ANO7: variants seen among roughly 807,000 people sequenced by gnomAD.
ANO7 encodes anoctamin 7.
Under a neutral mutation model 115.8 loss-of-function variants are expected in ANO7, and 114 were observed. The ratio of observed to expected loss-of-function variants is 0.98; its 90% CI spans 0.85 to 1.15. The LOEUF is 1.15. Ranked by LOEUF, ANO7 falls within the 50% of genes most tolerant of loss-of-function variation. The pLI, the probability that ANO7 is intolerant of heterozygous loss-of-function variation, is 0.00. For synonymous variants in ANO7, 550 were observed against 498.2 expected, an observed-to-expected ratio of 1.10 and a Z score of -1.38; for missense variants, 1,302 against 1,201.2, an observed-to-expected ratio of 1.08 and a Z score of -1.24.
At position 241,224,230 on chromosome 2, in the gene ANO7, C is replaced by T; in HGVS notation, c.*77C>T. ...TGCGAGCAGCGTCCTTTTCCTCTTC[C>T]CTCAGGCAGCGGCTGTGTGAACCGC... On this transcript the variant is annotated 3_prime_UTR_variant, in exon 25 of 25. Transcript: ENST00000674324. 5 of 1,519,020 alleles carry T rather than the reference C, an allele frequency of 3.3e-6. No homozygotes were observed. The South Asian group carries it at 5.8e-5, about 18-fold the overall frequency. 94.1% of individuals were successfully genotyped at this position (1,519,020 alleles called of 1,614,324 possible).
rs2068625065 is a variant in ANO7, at chr2:241,207,684, T to G, written c.1077+14T>G. On this transcript the variant is annotated intron_variant, in intron 11 of 24. Coordinates refer to ENST00000674324, the MANE Select transcript of ANO7 (RefSeq NM_001370694.2). ...GCCCTGGCCCAGGTACGAGAAGAGG[T>G]GGGTGGGGTAAGGGATTTGAGAGTC... 3 of 1,612,236 alleles carry G rather than the reference T, an allele frequency of 1.9e-6. No individual in the cohort carries two copies. In the South Asian group the frequency reaches 3.3e-5, roughly 18 times the overall value.
At chr2:241,216,318 GC>G in intron 19 of ANO7, 80 bp downstream of exon 19, 2 of 1,450,468 alleles carry the variant, frequency 1.4e-6, no homozygotes, top group Non-Finnish European at 1.8e-6. Context: ...GGGCCTCCCA[GC>G]CTGACATTCC....
chr2:241,240,053 C>A, the ANO7 span: 4 of 1,614,184 alleles, frequency 2.5e-6, no homozygotes, highest in Non-Finnish European at 3.4e-6. This position sits in a 1 kb window ranked among gnomAD's most constrained non-coding sequence, Gnocchi z 5.5. Context: ...ATTTTGCCGC[C>A]CCCCTTGCCG....
chr2:241,202,652 G>A (rs1377944027), intron 8 of ANO7, among the ~76,000 whole-genome samples: 2 of 152,226 alleles, frequency 1.3e-5, no homozygotes, highest in Non-Finnish European at 2.9e-5. Context: ...TGGGTAAACT[G>A]AGGCAATGCC....
chr2:241,218,361 C>G lies in ANO7; in HGVS notation c.2301C>G (p.Ala767=), dbSNP rs201381970. 19,500 of 1,462,732 alleles carry G rather than the reference C, an allele frequency of 0.013. 414 individuals are homozygous for G. The highest frequency in any genetic ancestry group is 0.098 in the African/African-American group (6,670 of 68,088). The allele number at this position is 1,462,732 out of a possible 1,614,324, so 90.6% of individuals were successfully genotyped here. A position where few individuals can be genotyped will look rare whatever the true frequency, so the allele number is the denominator to read the frequency against. ...CGCGAGCCCCGTCCTCCTTCGCCGC[C>G]GCGCACAACCGCACGTGCAGGTGAG... ...TLARAPSSFA[A]AHNRTCRYRA... is the part of the protein sequence containing the mutation. Residue 767 remains alanine (A), a synonymous_variant, in exon 21 of 25, where the codon GCC becomes GCG. Transcript: ENST00000674324.
At chr2:241,229,791 C>T, downstream of ANO7, 2 of 1,553,440 alleles carry the variant, frequency 1.3e-6, no homozygotes, top group Non-Finnish European at 8.7e-7. Context: ...CCTGCCCGCC[C>T]ACCCTCCCTG....
At chr2:241,234,862 T>G in the ANO7 span, among the ~76,000 whole-genome samples, 2 of 152,176 alleles carry the variant, frequency 1.3e-5, no homozygotes, top group African/African-American at 4.8e-5. Flanking sequence ...CCACTCTGAT[T>G]TGGTTTTGAG....
Position 241,223,228 on chromosome 2 carries a change from C to G in ANO7, c.2364C>G (p.Thr788=), listed in dbSNP as rs1428746537. 6.2e-7 allele frequency: 1 copy of G among 1,614,250 alleles called. No homozygotes were observed. Among genetic ancestry groups the G allele is most frequent in the Admixed American group, 1.7e-5 (1 of 60,026 alleles). ...ATGACGATGGACATTATTCCCAGACCTACTGGAATCTTCTTGCCATCCGCC... is the reference window on the plus strand; with the variant it reads ...ATGACGATGGACATTATTCCCAGACGTACTGGAATCTTCTTGCCATCCGCC... ...FRDDDGHYSQ[T]YWNLLAIRLA... is the part of the protein sequence containing the mutation. The change falls in exon 22 of 25, where the codon ACC becomes ACG. Residue 788 remains threonine (T), a synonymous_variant. Transcript: ENST00000674324.
the ANO7 span, chr2:241,236,710 C>T: frequency 6.2e-7 from 1 of 1,614,148 alleles, no homozygotes; most frequent in Non-Finnish European, 8.5e-7. Context: ...CAATCTTTAG[C>T]CTCTCTCCCC....
chr2:241,226,036 GAACA>G, downstream of ANO7, among the ~76,000 whole-genome samples: 1 of 151,804 alleles, frequency 6.6e-6, no homozygotes, highest in African/African-American at 2.4e-5. Context: ...GCTTCCAGGT[GAACA>G]AACTGTTGTA....
In ANO7 at chr2:241,209,653, C is replaced by A; in HGVS notation, c.1359+18C>A. 1 of 1,524,098 alleles carries A rather than the reference C, an allele frequency of 6.6e-7. No homozygotes were observed. Among genetic ancestry groups the A allele is most frequent in the Non-Finnish European group, 8.8e-7 (1 of 1,139,720 alleles). 94.4% of individuals were successfully genotyped at this position (1,524,098 alleles called of 1,614,324 possible). A position where few individuals can be genotyped will look rare whatever the true frequency, so the allele number is the denominator to read the frequency against. ...TGGTGATGGTATGCGGTCCCCCTGC[C>A]CTCCGCTCACGCCTCCATCCTCCTG... On this transcript the variant is annotated intron_variant, in intron 13 of 24. Transcript: ENST00000674324.
chr2:241,188,840 C>G lies in ANO7; in HGVS notation c.-8+74C>G. 6.5e-7 allele frequency: 1 copy of G among 1,535,820 alleles called. No homozygotes were observed. The highest frequency in any genetic ancestry group is 8.8e-7 in the Non-Finnish European group (1 of 1,137,686). On this transcript the variant is annotated intron_variant, in intron 1 of 24. Transcript: ENST00000674324. The surrounding 1 kb of genome is among the most constrained non-coding windows in gnomAD (Gnocchi z 4.3). ...TGGACTCTAGGGAGGCAGGGCGGCA[C>G]CCCAGCCCACCGGGACTTTCACACA...
At chr2:241,220,918 C>T (rs1331918337) in intron 21 of ANO7, among the ~76,000 whole-genome samples, 2 of 151,630 alleles carry the variant, frequency 1.3e-5, no homozygotes, top group African/African-American at 4.8e-5. Flanking sequence ...TTGCAGTGAG[C>T]CGAGATGGCG....
chr2:241,203,215 G>T lies in ANO7; in HGVS notation c.724-118G>T. On this transcript the variant is annotated intron_variant, in intron 8 of 24. Transcript: ENST00000674324. The surrounding 1 kb of genome is among the most constrained non-coding windows in gnomAD (Gnocchi z 4.8). ...CATTACTCTATTTTTTCTTCATGGA[G>T]CAATCCCAGACTCCCAGGCCTGTCT... 1.3e-6 allele frequency: 1 copy of T among 756,146 alleles called. No individual in the cohort carries two copies. Among genetic ancestry groups the T allele is most frequent in the Non-Finnish European group, 2.0e-6 (1 of 501,650 alleles). The allele number at this position is 756,146 out of a possible 1,614,324, so 46.8% of individuals were successfully genotyped here.
intron 6 of ANO7, among the ~76,000 whole-genome samples, chr2:241,201,095 G>A (rs572479419): frequency 1.4e-4 from 21 of 152,336 alleles, no homozygotes; most frequent in Admixed American, 3.9e-4. Flanking sequence ...GGCATAATCG[G>A]GAGCTGCTGA....
At position 241,202,287 on chromosome 2, in the gene ANO7, G is replaced by T. The variant is rs776216582; in HGVS notation, c.706G>T (p.Ala236Ser). The part of the protein sequence containing the change: ...QLLAEGVLSA[A>S]FPLHDGPFKT... ...GCTGGCAGAGGGTGTCCTCAGTGCC[G>T]CCTTCCCCCTGCATGACGTGAGCTC... Residue 236 changes from alanine to serine, a missense_variant, in exon 8 of 25, where the codon GCC (alanine) becomes TCC (serine). By Grantham distance (99) the Ala-to-Ser change is moderately conservative. Coordinates refer to ENST00000674324, the MANE Select transcript of ANO7 (RefSeq NM_001370694.2). 10 of 1,613,034 alleles carry T rather than the reference G, an allele frequency of 6.2e-6. No homozygotes were observed. The highest frequency in any genetic ancestry group is 2.2e-5 in the East Asian group (1 of 44,872).
chr2:241,212,788 C>A, intron 17 of ANO7, 162 bp downstream of exon 17: 3 of 707,246 alleles, frequency 4.2e-6, no homozygotes, highest in South Asian at 1.8e-5. Flanking sequence ...GGCTCCCAGC[C>A]TCTCTTCACC....
downstream of ANO7, chr2:241,230,407 T>C: frequency 1.6e-6 from 1 of 634,944 alleles, no homozygotes; most frequent in South Asian, 2.0e-5. This position sits in a 1 kb window ranked among gnomAD's most constrained non-coding sequence, Gnocchi z 5.0. Flanking sequence ...CTGAAGTCAG[T>C]CAGCCTCATC....
rs747391575 is a variant in ANO7, at chr2:241,201,356, G to A, written c.612+1G>A. 6.2e-7 allele frequency: 1 copy of A among 1,611,722 alleles called. No individual in the cohort carries two copies. The highest frequency in any genetic ancestry group is 1.7e-4 in the Middle Eastern group (1 of 6,050). ...CACAAGCACCAAGAGGCACCAAATTGTGAGTGGGGGTTCCCTGCCGCGGGC... is the reference window on the plus strand; with the variant it reads ...CACAAGCACCAAGAGGCACCAAATTATGAGTGGGGGTTCCCTGCCGCGGGC... On this transcript the variant is annotated splice_donor_variant, in intron 7 of 24. Coordinates refer to ENST00000674324, the MANE Select transcript of ANO7 (RefSeq NM_001370694.2). LOFTEE classifies it high-confidence loss of function.
Sources: gnomAD v4.1 joint callset for allele counts (sites outside exome capture counted in the v4.1 genomes callset) on GRCh38, gnomAD v4.1.1 for gene constraint, Gnocchi (gnomAD v3.1) non-coding constraint, MANE v1.5 for transcripts, NCBI Gene and HGNC (gene_info 2026-07-23, HGNC 2026-07-21) for gene names.